Variants in MAGI3 observed in about 807,000 individuals in gnomAD.
MAGI3 encodes membrane associated guanylate kinase, WW and PDZ domain containing 3.
A neutral mutation model predicts 121.8 loss-of-function variants in MAGI3; 43 were observed. That is an observed-to-expected ratio of 0.35 (90% CI 0.28 to 0.46). The LOEUF is 0.46. MAGI3 is among the 20% of genes least tolerant of loss of function. The pLI is 1.00. For missense variants in MAGI3, 1,547 were observed against 1,797.3 expected, an observed-to-expected ratio of 0.86 and a Z score of 2.52; for synonymous variants, 553 against 639.3, an observed-to-expected ratio of 0.86 and a Z score of 2.04.
rs558406257 is a variant in MAGI3 at position 113,683,284 on chromosome 1, T to G, written c.3716T>G (p.Ile1239Ser). The change falls in exon 21 of 21, where the codon ATT becomes AGT. Residue 1239 changes from isoleucine (I) to serine (S), a missense_variant. Physicochemically the swap from Ile to Ser is moderately radical, Grantham distance 142. Coordinates refer to ENST00000307546, the MANE Select transcript of MAGI3 (RefSeq NM_001142782.2). ...CATTCAGAGGAACATTTGGATAAGA[T>G]TCCTAGTCCTCTAAAAAATAACCCC... ...SQHSEEHLDK[I>S]PSPLKNNPKR... 6 of 1,612,592 alleles carry G rather than the reference T, an allele frequency of 3.7e-6. No individual in the cohort carries two copies. Among genetic ancestry groups the G allele is most frequent in the Non-Finnish European group, 5.1e-6 (6 of 1,179,628 alleles).
At chr1:113,573,793 G>A (rs1647453473) in intron 2 of MAGI3, among the ~76,000 whole-genome samples, 1 of 152,226 alleles carries the variant, frequency 6.6e-6, no homozygotes. Context: ...ACAGTGGGGT[G>A]TTATAGTCTC....
At chr1:113,458,035 C>T (rs1273694450) in intron 1 of MAGI3, among the ~76,000 whole-genome samples, 1 of 152,084 alleles carries the variant, frequency 6.6e-6, no homozygotes, top group Non-Finnish European at 1.5e-5. Flanking sequence ...AACCAGGTCA[C>T]GTAGGAACTT....
intron 6 of MAGI3, among the ~76,000 whole-genome samples, chr1:113,595,843 C>T (rs533959237): frequency 1.3e-5 from 2 of 152,218 alleles, no homozygotes; most frequent in African/African-American, 4.8e-5. Flanking sequence ...ACAGCCTGGG[C>T]AACAGGGTGA....
At chr1:113,513,189 T>C (rs958125559) in intron 1 of MAGI3, among the ~76,000 whole-genome samples, 1 of 152,096 alleles carries the variant, frequency 6.6e-6, no homozygotes, top group African/African-American at 2.4e-5. Flanking sequence ...ATCGTGAAAA[T>C]GGCCATACTG....
In MAGI3 at chr1:113,682,883, A is replaced by G. The variant is rs1262125595; in HGVS notation, c.3329-14A>G. On this transcript the variant is annotated splice_polypyrimidine_tract_variant and intron_variant, in intron 20 of 20. Transcript: ENST00000307546. ...CTAAAATTTAATAATGTTCCATTCAAATCACTTTTTTAGGTGATTGGGATA... is the reference window on the plus strand; with the variant it reads ...CTAAAATTTAATAATGTTCCATTCAGATCACTTTTTTAGGTGATTGGGATA... 6.5e-7 allele frequency: 1 copy of G among 1,544,730 alleles called. No homozygotes were observed. Among genetic ancestry groups the G allele is most frequent in the South Asian group, 1.3e-5 (1 of 79,088 alleles).
chr1:113,590,634 A>G lies in MAGI3; in HGVS notation c.914A>G (p.Asp305Gly), dbSNP rs1570909958. 6.2e-7 allele frequency: 1 copy of G among 1,613,622 alleles called. No homozygotes were observed. The highest frequency in any genetic ancestry group is 8.5e-7 in the Non-Finnish European group (1 of 1,179,666). ...AAAAACTGGGAAATGGCCTACACTG[A>G]CACAGGGATGATCTACTTCATTGAG... The part of the protein sequence containing the change: ...LPKNWEMAYT[D>G]TGMIYFIDHN... Residue 305 changes from aspartate to glycine, a missense_variant, in exon 5 of 21, where the codon GAC (aspartate) becomes GGC (glycine). By Grantham distance (94) the Asp-to-Gly change is moderately conservative. Coordinates refer to ENST00000307546, the MANE Select transcript of MAGI3 (RefSeq NM_001142782.2).
chr1:113,581,650 C>A (rs1648034088), intron 3 of MAGI3, among the ~76,000 whole-genome samples: 3 of 152,066 alleles, frequency 2.0e-5, no homozygotes, highest in Non-Finnish European at 4.4e-5. Flanking sequence ...CTCATTTGTT[C>A]CCATTTCTTC....
chr1:113,440,930 T>A (rs1206639414), intron 1 of MAGI3, among the ~76,000 whole-genome samples: 3 of 152,186 alleles, frequency 2.0e-5, no homozygotes, highest in Non-Finnish European at 4.4e-5. Context: ...CATTTTCTTA[T>A]CTCATTAGCT....
At chr1:113,429,165 T>C (rs1187057743) in intron 1 of MAGI3, among the ~76,000 whole-genome samples, 1 of 152,250 alleles carries the variant, frequency 6.6e-6, no homozygotes, top group Admixed American at 6.5e-5. Flanking sequence ...AATTTTCATA[T>C]AAATTTTGGA....
intron 1 of MAGI3, among the ~76,000 whole-genome samples, chr1:113,428,551 A>G (rs576799512): frequency 1.3e-5 from 2 of 152,350 alleles, no homozygotes; most frequent in East Asian, 1.9e-4. Context: ...AATGTGAGCC[A>G]TATGTGTAAC....
rs1185045008 is a variant in MAGI3, at chr1:113,642,218, A to G, written c.1668A>G (p.Pro556=). The change falls in exon 10 of 21, where the codon CCA becomes CCG. Residue 556 remains proline, a synonymous_variant. Transcript: ENST00000307546. ...TGACTGGTGATGGTCTCAATGGACCATCAGATGCAAGTGAGCAGAGAGTAT... is the reference window on the plus strand; with the variant it reads ...TGACTGGTGATGGTCTCAATGGACCGTCAGATGCAAGTGAGCAGAGAGTAT... ...HTLTGDGLNG[P]SDASEQRVSM... is the part of the protein sequence containing the mutation. 2.5e-6 allele frequency: 4 copies of G among 1,614,074 alleles called. No individual in the cohort carries two copies. The highest frequency in any genetic ancestry group is 1.1e-5 in the South Asian group (1 of 91,092).
At chr1:113,536,122 C>T (rs1019978734) in intron 1 of MAGI3, among the ~76,000 whole-genome samples, 3 of 148,636 alleles carry the variant, frequency 2.0e-5, no homozygotes, top group Admixed American at 1.4e-4. Context: ...CTTAAGCTGT[C>T]CACAATTACT....
At chr1:113,440,352 T>G (rs1278901476) in intron 1 of MAGI3, among the ~76,000 whole-genome samples, 1 of 152,218 alleles carries the variant, frequency 6.6e-6, no homozygotes, top group Non-Finnish European at 1.5e-5. Flanking sequence ...ATAAAAAGTT[T>G]GGAGATAGTC....
chr1:113,516,501 T>C (rs1657914938), intron 1 of MAGI3, among the ~76,000 whole-genome samples: 2 of 151,652 alleles, frequency 1.3e-5, no homozygotes, highest in Admixed American at 1.3e-4. Context: ...CTGGAATAAT[T>C]TATGCAAAAA....
At chr1:113,409,824 A>G (rs1354553319) in intron 1 of MAGI3, among the ~76,000 whole-genome samples, 1 of 152,060 alleles carries the variant, frequency 6.6e-6, no homozygotes, top group Admixed American at 6.6e-5. Context: ...TCTGTTCTAT[A>G]CTAGGTTATA....
chr1:113,682,246 AC>A, intron 20 of MAGI3: 1 of 1,611,672 alleles, frequency 6.2e-7, no homozygotes, highest in Non-Finnish European at 8.5e-7. Flanking sequence ...CCTACGTGAA[AC>A]CCGAGCAACA....
intron 1 of MAGI3, among the ~76,000 whole-genome samples, chr1:113,516,897 C>G (rs868059586): frequency 1.3e-5 from 2 of 151,938 alleles, no homozygotes; most frequent in Admixed American, 1.3e-4. Flanking sequence ...TTACCTTACT[C>G]GTCTTCCTCT....
intron 7 of MAGI3, among the ~76,000 whole-genome samples, chr1:113,614,901 G>A (rs1650364700): frequency 6.6e-6 from 1 of 152,096 alleles, no homozygotes; most frequent in Admixed American, 6.6e-5. Flanking sequence ...AATAGCTAGA[G>A]ATGGTATTGT....
intron 1 of MAGI3, among the ~76,000 whole-genome samples, chr1:113,425,583 C>T (rs1313797363): frequency 3.9e-5 from 6 of 152,008 alleles, no homozygotes; most frequent in Admixed American, 3.9e-4. Flanking sequence ...TGCACCCAGC[C>T]TACAAATTCA....
Sources: allele counts gnomAD v4.1 joint callset (sites outside exome capture counted in the v4.1 genomes callset), GRCh38; gene constraint gnomAD v4.1.1; transcripts MANE v1.5; gene names NCBI Gene and HGNC (gene_info 2026-07-23, HGNC 2026-07-21).